TTC39C: variants seen among roughly 807,000 people sequenced by gnomAD.
The protein encoded by TTC39C is tetratricopeptide repeat protein 39C.
Under a neutral mutation model 76.3 loss-of-function variants are expected in TTC39C, and 33 were observed. The ratio of observed to expected loss-of-function variants is 0.43; its 90% CI spans 0.33 to 0.58. TTC39C has a LOEUF of 0.58. TTC39C is among the 20% of genes least tolerant of loss of function. TTC39C has a pLI of 0.04. For synonymous variants in TTC39C, 254 were observed against 260.6 expected, an observed-to-expected ratio of 0.97 and a Z score of 0.24; for missense variants, 595 against 701.4, an observed-to-expected ratio of 0.85 and a Z score of 1.71.
intron 1 of TTC39C, among the ~76,000 whole-genome samples, chr18:24,027,781 AACTCCTGAGCTCAAGC>A (rs1460692977): frequency 6.6e-6 from 1 of 152,022 alleles, no homozygotes; most frequent in African/African-American, 2.4e-5. Flanking sequence ...TTGGCCAGGC[AACTCCTGAGCTCAAGC>A]AGTCCTCCCA....
chr18:24,103,243 C>T (rs561848244), intron 6 of TTC39C, among the ~76,000 whole-genome samples: 11 of 152,318 alleles, frequency 7.2e-5, no homozygotes, highest in African/African-American at 2.4e-4. Flanking sequence ...TACAGATAAA[C>T]GTCTTGCATT....
intron 10 of TTC39C, among the ~76,000 whole-genome samples, chr18:24,126,486 G>A (rs1212391034): frequency 6.8e-6 from 1 of 146,922 alleles, no homozygotes; most frequent in Non-Finnish European, 1.5e-5. Flanking sequence ...ATTGCCAATT[G>A]CCAATGTTGC....
intron 6 of TTC39C, among the ~76,000 whole-genome samples, chr18:24,091,582 A>C (rs968528751): frequency 6.6e-6 from 1 of 152,248 alleles, no homozygotes; most frequent in African/African-American, 2.4e-5. Context: ...GGTTTCCTAG[A>C]CATGACACTA....
intron 2 of TTC39C, among the ~76,000 whole-genome samples, chr18:24,065,052 G>A (rs549773165): frequency 5.7e-4 from 87 of 152,366 alleles, no homozygotes; most frequent in African/African-American, 1.9e-3. Context: ...CAAGGGCTGC[G>A]AATGAGATCT....
chr18:24,092,123 A>AAAAAT (rs1555775346), intron 6 of TTC39C, among the ~76,000 whole-genome samples: 6 of 50,510 alleles, frequency 1.2e-4, no homozygotes, highest in Non-Finnish European at 1.9e-4. Context: ...AAAAAAAAAA[A>AAAAAT]AATAATAATA....
At chr18:24,023,970 A>ACG (rs1260016411) in intron 1 of TTC39C, among the ~76,000 whole-genome samples, 35 of 14,188 alleles carry the variant, frequency 2.5e-3, no homozygotes, top group South Asian at 0.012. Context: ...ATATATATAT[A>ACG]TATATATATA....
intron 1 of TTC39C, among the ~76,000 whole-genome samples, chr18:24,027,523 G>A (rs1427947937): frequency 1.3e-5 from 2 of 149,264 alleles, no homozygotes; most frequent in East Asian, 3.9e-4. Flanking sequence ...AAAGTAGCAT[G>A]TTGGAATTCA....
chr18:24,045,889 G>GAAAAAAAA (rs1193600114), intron 1 of TTC39C, among the ~76,000 whole-genome samples: 7 of 56,352 alleles, frequency 1.2e-4, no homozygotes, highest in African/African-American at 5.2e-4. Context: ...TTCCTTCTGT[G>GAAAAAAAA]AAAATATATA....
chr18:24,072,389 G>A (rs185864605), intron 4 of TTC39C, among the ~76,000 whole-genome samples: 101 of 151,990 alleles, frequency 6.6e-4, no homozygotes, highest in South Asian at 5.0e-3. Context: ...ACTGCCTCCC[G>A]GGTTCAAGTG....
At chr18:24,077,347 C>T (rs867333820) in intron 4 of TTC39C, 6 of 152,278 alleles carry the variant, frequency 3.9e-5, no homozygotes, top group Middle Eastern at 3.4e-3. Context: ...CTTCCGAAAT[C>T]CTGCAGTAAC....
intron 1 of TTC39C, among the ~76,000 whole-genome samples, chr18:24,008,260 G>GA (rs1009628900): frequency 6.6e-6 from 1 of 152,142 alleles, no homozygotes; most frequent in African/African-American, 2.4e-5. Context: ...TTAAGATTTG[G>GA]AAACAAATCC....
At chr18:24,039,109 C>A (rs955195419) in intron 1 of TTC39C, among the ~76,000 whole-genome samples, 4 of 152,150 alleles carry the variant, frequency 2.6e-5, no homozygotes, top group Non-Finnish European at 4.4e-5. Flanking sequence ...CTCATTCAGT[C>A]CCCCCATGCA....
At chr18:24,001,176 A>G (rs1462730199) in intron 1 of TTC39C, among the ~76,000 whole-genome samples, 1 of 152,176 alleles carries the variant, frequency 6.6e-6, no homozygotes, top group Non-Finnish European at 1.5e-5. Flanking sequence ...TTCCTCTACC[A>G]GCCTCATCTT....
intron 12 of TTC39C, among the ~76,000 whole-genome samples, chr18:24,131,020 C>CAA (rs59161044): frequency 0.012 from 172 of 14,410 alleles, 17 homozygotes; most frequent in East Asian, 0.02. Flanking sequence ...CTCATCTCTG[C>CAA]AAAAAAAAAA....
chr18:24,054,431 T>C (rs1165685061), intron 1 of TTC39C, among the ~76,000 whole-genome samples: 1 of 152,188 alleles, frequency 6.6e-6, no homozygotes, highest in Non-Finnish European at 1.5e-5. Context: ...GGAGTGTAAA[T>C]GTAGGAAGTA....
rs2085179040 is a variant in TTC39C at position 24,134,579 on chromosome 18, C to T, written c.*2005C>T. The T allele has an allele frequency of 6.6e-6, 1 of 151,974 alleles. No individual in the cohort carries two copies. The highest frequency in any genetic ancestry group is 2.4e-5 in the African/African-American group (1 of 41,362). The allele number at this position is 151,974 out of a possible 1,614,324, so 9.4% of individuals were successfully genotyped here. ...TGTGAGCCACCGTGCCCGGCCTGGA[C>T]ATCTGGTTTTAACTAGATGGAAGGG... On this transcript the variant is annotated 3_prime_UTR_variant, in exon 14 of 14. Transcript: ENST00000317571.
intron 1 of TTC39C, among the ~76,000 whole-genome samples, chr18:24,034,030 A>G (rs2083705462): frequency 6.6e-6 from 1 of 152,206 alleles, no homozygotes; most frequent in Non-Finnish European, 1.5e-5. Context: ...CACTGCCCCT[A>G]TTTGAGGGAC....
chr18:24,030,654 T>TTTTTC (rs1249953614), intron 1 of TTC39C, among the ~76,000 whole-genome samples: 2,996 of 135,836 alleles, frequency 0.022, 179 homozygotes, highest in African/African-American at 0.076. Context: ...AGGCCTTTTT[T>TTTTTC]TTTTTTTTTT....
At chr18:24,131,535 G>A (rs970533277) in intron 12 of TTC39C, among the ~76,000 whole-genome samples, 2 of 151,970 alleles carry the variant, frequency 1.3e-5, no homozygotes, top group East Asian at 3.9e-4. Flanking sequence ...GCTAAATCCC[G>A]TCTCTACTAA....
Sources: gnomAD v4.1 joint callset for allele counts (sites outside exome capture counted in the v4.1 genomes callset) on GRCh38, gnomAD v4.1.1 for gene constraint, MANE v1.5 for transcripts, NCBI Gene and HGNC (gene_info 2026-07-23, HGNC 2026-07-21) for gene names.